SGCD: variants seen among roughly 807,000 people sequenced by gnomAD.
SGCD encodes sarcoglycan delta, also known as delta-sarcoglycan.
A neutral mutation model predicts 36.6 loss-of-function variants in SGCD; 18 were observed. The ratio of observed to expected loss-of-function variants is 0.49; its 90% CI spans 0.34 to 0.73. The LOEUF (loss-of-function observed/expected upper bound fraction) is 0.73, where lower values mean the gene tolerates loss of function less well. SGCD is among the 30% of genes least tolerant of loss of function. SGCD has a pLI of 0.01. For synonymous variants in SGCD, 133 were observed against 130.6 expected, an observed-to-expected ratio of 1.02 and a Z score of -0.12; for missense variants, 387 against 346.7, an observed-to-expected ratio of 1.12 and a Z score of -0.92.
rs78761185 is a variant in SGCD at position 156,107,699 on chromosome 5, C to T, written c.-281-10179C>T. 5.2e-3 allele frequency among the ~76,000 whole-genome samples: 797 copies of T among 152,084 alleles called. 6 individuals carry two copies. The highest frequency in any genetic ancestry group is 0.018 in the African/African-American group (767 of 41,504). On this transcript the variant is annotated intron_variant, in intron 1 of 9. Transcript: ENST00000517913. ...TTGATCTTTGTTTTTTTGTCATTCCCGCTCTTACCTTCTATTCCTCCTTAT... is the reference window on the plus strand; with the variant it reads ...TTGATCTTTGTTTTTTTGTCATTCCTGCTCTTACCTTCTATTCCTCCTTAT...
intron 4 of SGCD, among the ~76,000 whole-genome samples, chr5:156,521,065 A>G (rs1008763064): frequency 6.6e-6 from 1 of 150,928 alleles, no homozygotes; most frequent in African/African-American, 2.4e-5. Flanking sequence ...CAACCATCTG[A>G]TCTTCAACAA....
At chr5:155,865,777 A>G (rs7726529), upstream of SGCD, among the ~76,000 whole-genome samples, 21,660 of 152,184 alleles carry the variant, frequency 0.14, 2,114 homozygotes, top group African/African-American at 0.28. Context: ...AAGCCTTTAC[A>G]TATTAGGAAG....
At chr5:156,750,369 G>A (rs1757105665) in intron 7 of SGCD, among the ~76,000 whole-genome samples, 1 of 151,968 alleles carries the variant, frequency 6.6e-6, no homozygotes, top group Non-Finnish European at 1.5e-5. Flanking sequence ...AGACAGTATA[G>A]TAAAAAAAGA....
chr5:156,229,563 C>T (rs983161252), intron 3 of SGCD, among the ~76,000 whole-genome samples: 1 of 151,684 alleles, frequency 6.6e-6, no homozygotes, highest in African/African-American at 2.4e-5. Context: ...TTCCTTTTTA[C>T]GTTACCTGGT....
At chr5:155,889,217 A>G (rs1187037797) in intron 1 of SGCD, among the ~76,000 whole-genome samples, 1 of 152,226 alleles carries the variant, frequency 6.6e-6, no homozygotes, top group Non-Finnish European at 1.5e-5. Flanking sequence ...GAAACAAGTA[A>G]ATGAACTTAC....
intron 3 of SGCD, among the ~76,000 whole-genome samples, chr5:156,400,088 T>G (rs1772063038): frequency 6.6e-6 from 1 of 152,194 alleles, no homozygotes; most frequent in South Asian, 2.1e-4. Context: ...CAGGCCTTTC[T>G]GAACCACTCC....
At chr5:156,204,500 A>T (rs1764225945) in intron 3 of SGCD, among the ~76,000 whole-genome samples, 1 of 151,654 alleles carries the variant, frequency 6.6e-6, no homozygotes, top group Admixed American at 6.6e-5. Flanking sequence ...ACACACACAC[A>T]CACAATATCA....
chr5:156,610,661 A>T (rs1305528280), intron 6 of SGCD, among the ~76,000 whole-genome samples: 2 of 152,228 alleles, frequency 1.3e-5, no homozygotes, highest in East Asian at 3.8e-4. Context: ...AGAGGCAGGC[A>T]GGTCTCCTTG....
chr5:155,823,616 C>T, the SGCD span, among the ~76,000 whole-genome samples: 30 of 152,090 alleles, frequency 2.0e-4, no homozygotes, highest in Non-Finnish European at 3.5e-4. Context: ...GATGTGGCTC[C>T]GCGGGAACAC....
Position 156,759,336 on chromosome 5 carries a change from G to T in SGCD, c.819G>T (p.Leu273=), listed in dbSNP as rs563686455. 1.2e-6 allele frequency: 2 copies of T among 1,613,090 alleles called. No individual in the cohort carries two copies. Among genetic ancestry groups the T allele is most frequent in the Admixed American group, 1.7e-5 (1 of 59,990 alleles). Residue 273 remains leucine (L), a synonymous_variant, in exon 9 of 9, where the codon CTG becomes CTT. Transcript: ENST00000337851. ...ICVCANGRLF[L]SQAGAGSTCQ... ...TCTGCGCCAATGGGAGATTATTCCT[G>T]TCTCAGGCAGGAGCTGGGTCCACTT...
the SGCD span, among the ~76,000 whole-genome samples, chr5:155,853,525 T>C: frequency 1.3e-5 from 2 of 152,308 alleles, no homozygotes; most frequent in East Asian, 1.9e-4. Flanking sequence ...AAACATTTAT[T>C]CTCAATTTTG....
the SGCD span, among the ~76,000 whole-genome samples, chr5:155,758,660 A>T: frequency 3.9e-5 from 6 of 152,160 alleles, no homozygotes; most frequent in Non-Finnish European, 5.9e-5. Flanking sequence ...TGCACATGTG[A>T]GGGATCTAGG....
At chr5:156,347,606 C>A (rs909528262) in intron 3 of SGCD, among the ~76,000 whole-genome samples, 13 of 152,058 alleles carry the variant, frequency 8.5e-5, no homozygotes, top group African/African-American at 3.1e-4. Context: ...TCATGTATAC[C>A]TTTAGTCCCC....
chr5:156,538,018 G>A (rs1036695790), intron 4 of SGCD, among the ~76,000 whole-genome samples: 1 of 151,952 alleles, frequency 6.6e-6, no homozygotes, highest in Middle Eastern at 3.4e-3. Context: ...CTGGTGGTTC[G>A]GGTAGAGCTT....
chr5:156,025,520 A>G (rs1759209121), intron 1 of SGCD, among the ~76,000 whole-genome samples: 1 of 152,204 alleles, frequency 6.6e-6, no homozygotes, highest in Non-Finnish European at 1.5e-5. Flanking sequence ...AGATGGGTCC[A>G]TCCTTTGCAG....
chr5:155,787,119 G>C, the SGCD span, among the ~76,000 whole-genome samples: 1 of 152,152 alleles, frequency 6.6e-6, no homozygotes, highest in Non-Finnish European at 1.5e-5. Flanking sequence ...GCAATGCCCA[G>C]ATCACATTTA....
At chr5:156,691,206 CAAAAAAA>C (rs58947494) in intron 7 of SGCD, among the ~76,000 whole-genome samples, 2 of 61,852 alleles carry the variant, frequency 3.2e-5, no homozygotes, top group Admixed American at 2.6e-4. Flanking sequence ...GACTCTGTCT[CAAAAAAA>C]AAAAAAAAAA....
chr5:156,268,310 C>G (rs1221805330), intron 3 of SGCD, among the ~76,000 whole-genome samples: 1 of 152,042 alleles, frequency 6.6e-6, no homozygotes, highest in Non-Finnish European at 1.5e-5. Flanking sequence ...GTGCATGTGT[C>G]TTTATGGTAG....
intron 3 of SGCD, among the ~76,000 whole-genome samples, chr5:156,308,350 T>G (rs573430650): frequency 2.6e-5 from 4 of 151,682 alleles, no homozygotes; most frequent in Non-Finnish European, 5.9e-5. Flanking sequence ...CCAGGCTGGA[T>G]TGCAGTGGCG....
Sources: allele counts gnomAD v4.1 joint callset (sites outside exome capture counted in the v4.1 genomes callset), GRCh38; gene constraint gnomAD v4.1.1; transcripts MANE v1.5; gene names NCBI Gene and HGNC (gene_info 2026-07-23, HGNC 2026-07-21).